GFRA3: variants seen among roughly 807,000 people sequenced by gnomAD.
GFRA3 encodes the protein GDNF family receptor alpha 3, also known as GDNF family receptor alpha-3.
GFRA3 carries 24 observed loss-of-function variants against 40.0 expected under a neutral mutation model. That is an observed-to-expected ratio of 0.60 (90% CI 0.43 to 0.84). The LOEUF (loss-of-function observed/expected upper bound fraction) is 0.84, where lower values mean the gene tolerates loss of function less well. GFRA3 is among the 40% of genes least tolerant of loss of function. The pLI is 0.00. For missense variants in GFRA3, 405 were observed against 530.6 expected, an observed-to-expected ratio of 0.76 and a Z score of 2.33; for synonymous variants, 203 against 213.5, an observed-to-expected ratio of 0.95 and a Z score of 0.43.
At chr5:138,266,137 T>G (rs368394307) in intron 1 of GFRA3, among the ~76,000 whole-genome samples, 1 of 152,260 alleles carries the variant, frequency 6.6e-6, no homozygotes, top group Non-Finnish European at 1.5e-5. Context: ...GAACATTTCA[T>G]GTACAAGTAT....
At position 138,254,088 on chromosome 5, in the gene GFRA3, G is replaced by A; in HGVS notation, c.858C>T (p.Ser286=). The A allele has an allele frequency of 1.9e-6, 3 of 1,612,418 alleles. No homozygotes were observed. Among genetic ancestry groups the A allele is most frequent in the Non-Finnish European group, 1.7e-6 (2 of 1,178,562 alleles). The change falls in exon 5 of 8, where the codon TCC becomes TCT. Residue 286 remains serine, a synonymous_variant. Coordinates refer to ENST00000274721, the MANE Select transcript of GFRA3 (RefSeq NM_001496.4). Reference sequence around the variant, plus strand: ...GCCCCAGGTATGCTCGTAGACATCTGGACTGCTCTGTTGCACAAGTTCCTA... The same window carrying A: ...GCCCCAGGTATGCTCGTAGACATCTAGACTGCTCTGTTGCACAAGTTCCTA... ...DILGTCATEQ[S]RCLRAYLGLI... is the part of the protein sequence containing the mutation.
chr5:138,255,910 A>AG, intron 4 of GFRA3, among the ~76,000 whole-genome samples: 2 of 150,836 alleles, frequency 1.3e-5, no homozygotes, highest in South Asian at 4.2e-4. Context: ...AAAAAAAAAA[A>AG]AAAAAGAAGA....
At chr5:138,259,693 G>A in intron 2 of GFRA3, 44 bp from the exon 3 acceptor site, 5 of 857,890 alleles carry the variant, frequency 5.8e-6, no homozygotes, top group Non-Finnish European at 8.2e-6. Context: ...GGACCAGGGT[G>A]GGGTAGGCTG....
chr5:138,271,913 T>TTTTTTTTGTGTGTGTGTGTGTG (rs59830655), intron 1 of GFRA3, among the ~76,000 whole-genome samples: 1 of 54,328 alleles, frequency 1.8e-5, no homozygotes, highest in Non-Finnish European at 3.5e-5. Context: ...TTTTTTTTTT[T>TTTTTTTTGTGTGTGTGTGTGTG]TGTGTGTGTG....
intron 4 of GFRA3, 44 bp from the exon 5 acceptor site, chr5:138,254,204 G>A: frequency 1.1e-6 from 1 of 918,042 alleles, no homozygotes; most frequent in Non-Finnish European, 1.6e-6. Flanking sequence ...TTTTTTTTTT[G>A]AGATGATGTC....
chr5:138,257,732 C>T lies in GFRA3; in HGVS notation c.692G>A (p.Arg231Gln). Residue 231 changes from arginine (R) to glutamine (Q), a missense_variant, in exon 4 of 8, where the codon CGG becomes CAG. By Grantham distance (43) the Arg-to-Gln change is conservative. Transcript: ENST00000274721. ...GCAGTTGGGGGCGATGGTGTTGCGCCGGCGCTCCCCGCAGCCCCGGTCGTT... is the reference window on the plus strand; with the variant it reads ...GCAGTTGGGGGCGATGGTGTTGCGCTGGCGCTCCCCGCAGCCCCGGTCGTT... ...APNDRGCGER[R>Q]RNTIAPNCAL... 5 of 1,609,612 alleles carry T rather than the reference C, an allele frequency of 3.1e-6. No individual in the cohort carries two copies. Among genetic ancestry groups the T allele is most frequent in the East Asian group, 2.2e-5 (1 of 44,788 alleles).
intron 4 of GFRA3, 65 bp from the exon 5 acceptor site, chr5:138,254,225 T>C: frequency 3.2e-6 from 3 of 943,934 alleles, no homozygotes; most frequent in Admixed American, 1.9e-5. Context: ...TCACTCTCTC[T>C]TGCCCAGGCT....
At chr5:138,265,000 G>A (rs1480210106) in intron 1 of GFRA3, among the ~76,000 whole-genome samples, 1 of 152,054 alleles carries the variant, frequency 6.6e-6, no homozygotes, top group Admixed American at 6.6e-5. Flanking sequence ...AAAAATACCT[G>A]AAGGTGGAAA....
chr5:138,254,825 G>A (rs949345946), intron 4 of GFRA3, among the ~76,000 whole-genome samples: 15 of 152,206 alleles, frequency 9.9e-5, no homozygotes, highest in Admixed American at 4.6e-4. Context: ...CAGGCATAGC[G>A]GCTCACGCCT....
chr5:138,254,028 G>C (rs1035632985), intron 5 of GFRA3, 29 bp downstream of exon 5: 1 of 1,564,064 alleles, frequency 6.4e-7, no homozygotes, highest in Non-Finnish European at 8.8e-7. Context: ...AGCCAACATA[G>C]GGTTCCCTAC....
chr5:138,259,774 C>A (rs1232069046), intron 2 of GFRA3, 125 bp from the exon 3 acceptor site: 1 of 710,712 alleles, frequency 1.4e-6, no homozygotes, highest in South Asian at 1.5e-5. Context: ...CTCTACCTAA[C>A]CAGCTGCAAG....
chr5:138,259,472 T>G, intron 3 of GFRA3, 85 bp downstream of exon 3: 1 of 771,804 alleles, frequency 1.3e-6, no homozygotes, highest in Non-Finnish European at 2.4e-6. Context: ...CCTTATAAGC[T>G]CCCCAACTTC....
At chr5:138,258,243 T>C (rs1581508544) in intron 3 of GFRA3, among the ~76,000 whole-genome samples, 1 of 135,446 alleles carries the variant, frequency 7.4e-6, no homozygotes, top group African/African-American at 2.8e-5. Flanking sequence ...TGCAATGGCG[T>C]GATCTCGGCT....
Position 138,254,108 on chromosome 5 carries a change from T to G in GFRA3, c.838A>C (p.Thr280Pro). Reference sequence around the variant, plus strand: ...CATCTGGACTGCTCTGTTGCACAAGTTCCTAGGATGTCCATGGGATGGCAG... The same window carrying G: ...CATCTGGACTGCTCTGTTGCACAAGGTCCTAGGATGTCCATGGGATGGCAG... The part of the protein sequence containing the change: ...THCHPMDILG[T>P]CATEQSRCLR... Residue 280 changes from threonine to proline, a missense_variant, in exon 5 of 8, where the codon ACT becomes CCT. By Grantham distance (38) the Thr-to-Pro change is conservative. Coordinates refer to ENST00000274721, the MANE Select transcript of GFRA3 (RefSeq NM_001496.4). 3.1e-6 allele frequency: 5 copies of G among 1,613,042 alleles called. No individual in the cohort carries two copies. Among genetic ancestry groups the G allele is most frequent in the Non-Finnish European group, 4.2e-6 (5 of 1,179,194 alleles).
chr5:138,258,739 T>C lies in GFRA3; in HGVS notation c.473-788A>G, dbSNP rs145405804. 7.7e-4 allele frequency among the ~76,000 whole-genome samples: 117 copies of C among 152,332 alleles called. 2 individuals carry two copies. The East Asian group carries it at 0.02, about 27-fold the overall frequency. Reference sequence around the variant, plus strand: ...GGTTTCTGGTTTGGTTTTGGCTTCGTCTGCACCTATCCTGTTCCATTTTAA... The same window carrying C: ...GGTTTCTGGTTTGGTTTTGGCTTCGCCTGCACCTATCCTGTTCCATTTTAA... On this transcript the variant is annotated intron_variant, in intron 3 of 7. Coordinates refer to ENST00000274721, the MANE Select transcript of GFRA3 (RefSeq NM_001496.4).
intron 2 of GFRA3, among the ~76,000 whole-genome samples, chr5:138,263,841 T>A (rs923040653): frequency 2.0e-5 from 3 of 152,176 alleles, no homozygotes; most frequent in Non-Finnish European, 2.9e-5. Context: ...CTCTTACATC[T>A]CCTGGCTGGT....
Position 138,257,890 on chromosome 5 carries a change from C to T in GFRA3, c.534G>A (p.Leu178=). The T allele has an allele frequency of 6.2e-7, 1 of 1,614,096 alleles. No individual in the cohort carries two copies. Among genetic ancestry groups the T allele is most frequent in the South Asian group, 1.1e-5 (1 of 91,084 alleles). Residue 178 remains leucine (L), a synonymous_variant, in exon 4 of 8, where the codon CTG becomes CTA. Transcript: ENST00000274721. ...LCTLNDKCDR[L]RKAYGEACSG... ...AGCACGCCTCCCCGTAGGCCTTGCG[C>T]AGCCGGTCACACTTGTCATTGAGAG...
intron 1 of GFRA3, among the ~76,000 whole-genome samples, chr5:138,269,404 C>T (rs1219179787): frequency 2.6e-5 from 4 of 151,640 alleles, no homozygotes; most frequent in African/African-American, 7.3e-5. Context: ...GGTGTGGAGG[C>T]GGGCACCTGT....
chr5:138,273,830 G>A lies in GFRA3; in HGVS notation c.91+504C>T, dbSNP rs528769004. On this transcript the variant is annotated intron_variant, in intron 1 of 7. Transcript: ENST00000274721. ...CAAGGGGCAAGCCACTGTGCTAGAC[G>A]GCTTGCAAGGCCTGCTATTGTAGAA... 5.3e-5 allele frequency among the ~76,000 whole-genome samples: 8 copies of A among 152,254 alleles called. No homozygotes were observed. In the South Asian group the frequency reaches 1.7e-3, roughly 32 times the overall value.
Sources: allele counts gnomAD v4.1 joint callset (sites outside exome capture counted in the v4.1 genomes callset), GRCh38; gene constraint gnomAD v4.1.1; transcripts MANE v1.5; gene names NCBI Gene and HGNC (gene_info 2026-07-23, HGNC 2026-07-21).